MATN2: variants seen among roughly 807,000 people sequenced by gnomAD.
MATN2 encodes the protein matrilin 2, also known as matrilin-2.
A neutral mutation model predicts 103.2 loss-of-function variants in MATN2; 69 were observed. The ratio of observed to expected loss-of-function variants is 0.67; its 90% CI spans 0.55 to 0.82. The LOEUF (loss-of-function observed/expected upper bound fraction) is 0.82, where lower values mean the gene tolerates loss of function less well. MATN2 is among the 40% of genes least tolerant of loss of function. MATN2 has a pLI of 0.00. For synonymous variants in MATN2, 429 were observed against 450.2 expected, an observed-to-expected ratio of 0.95 and a Z score of 0.60; for missense variants, 1,023 against 1,211.5, an observed-to-expected ratio of 0.84 and a Z score of 2.31.
At position 97,931,427 on chromosome 8, in the gene MATN2, C is replaced by T; in HGVS notation, c.617C>T (p.Ser206Phe). The T allele has an allele frequency of 6.2e-7, 1 of 1,613,728 alleles. No homozygotes were observed. Among genetic ancestry groups the T allele is most frequent in the Non-Finnish European group, 8.5e-7 (1 of 1,179,852 alleles). Residue 206 changes from serine (S) to phenylalanine (F), a missense_variant, in exon 3 of 19, where the codon TCC becomes TTC. Physicochemically the swap from Ser to Phe is radical, Grantham distance 155 (BLOSUM62 -2). Transcript: ENST00000254898. This position sits in a 1 kb window ranked among gnomAD's most constrained non-coding sequence, Gnocchi z 4.1. ...VGQVDFNTLK[S>F]IGSEPHEDHV... is the part of the protein sequence containing the mutation. ...CAGGTAGACTTCAACACCTTGAAGT[C>T]CATTGGGAGTGAGCCCCATGAGGAC...
At chr8:97,959,614 C>CT (rs1402117616) in intron 4 of MATN2, among the ~76,000 whole-genome samples, 2 of 151,856 alleles carry the variant, frequency 1.3e-5, no homozygotes, top group African/African-American at 2.4e-5. Context: ...GTCTATAAGG[C>CT]TTTTTTTTCC....
At chr8:97,918,770 C>A (rs1309510883) in intron 2 of MATN2, among the ~76,000 whole-genome samples, 1 of 152,126 alleles carries the variant, frequency 6.6e-6, no homozygotes, top group African/African-American at 2.4e-5. Context: ...TGGCCACCTA[C>A]TGGGAGCAGT....
chr8:97,970,379 A>G (rs1460566396), intron 5 of MATN2, among the ~76,000 whole-genome samples: 1 of 151,786 alleles, frequency 6.6e-6, no homozygotes, highest in African/African-American at 2.4e-5. Context: ...CCGATGTCTC[A>G]GCCCCACCTC....
At chr8:97,929,243 G>A (rs1457985374) in intron 2 of MATN2, among the ~76,000 whole-genome samples, 1 of 152,224 alleles carries the variant, frequency 6.6e-6, no homozygotes, top group Non-Finnish European at 1.5e-5. Flanking sequence ...GCCTGGACAG[G>A]ATGACTTCAT....
intron 6 of MATN2, 34 bp downstream of exon 6, chr8:97,979,042 A>G (rs781311410): frequency 6.3e-7 from 1 of 1,581,832 alleles, no homozygotes; most frequent in Non-Finnish European, 8.6e-7. Context: ...ACAGAGAAAT[A>G]TTTGCTGTTA....
intron 2 of MATN2, among the ~76,000 whole-genome samples, chr8:97,900,514 C>T (rs1042388098): frequency 1.7e-4 from 26 of 152,208 alleles, no homozygotes; most frequent in African/African-American, 6.0e-4. Context: ...GGAGGAATTT[C>T]TTCCAGGAGG....
chr8:97,890,195 G>A (rs957295270), intron 2 of MATN2, among the ~76,000 whole-genome samples: 2 of 152,054 alleles, frequency 1.3e-5, no homozygotes, highest in African/African-American at 2.4e-5. Flanking sequence ...GGCCGGACAT[G>A]GTGGCTCACA....
intron 14 of MATN2, 112 bp downstream of exon 14, chr8:98,027,941 C>T (rs2130447296): frequency 1.9e-6 from 2 of 1,042,472 alleles, no homozygotes; most frequent in Non-Finnish European, 2.7e-6. Context: ...ACAGAAAGGC[C>T]TCCTGGCAAC....
Position 98,016,561 on chromosome 8 carries a change from G to A in MATN2, c.1595G>A (p.Gly532Glu). Residue 532 changes from glycine to glutamate, a missense_variant, in exon 11 of 19, where the codon GGG becomes GAG. Gly to Glu is a moderately conservative substitution (Grantham distance 98). Transcript: ENST00000254898. Reference protein sequence around the residue: ...TCAKLDSCALGDHGCEHSCVS... With the variant: ...TCAKLDSCALEDHGCEHSCVS... ...TCAGAATTGGACTCTTGTGCTCTGG[G>A]GGACCACGGTTGTGAACATTCGTGT... is the stretch of plus-strand genomic sequence containing the variant. 2 of 1,610,010 alleles carry A rather than the reference G, an allele frequency of 1.2e-6. No individual in the cohort carries two copies. The highest frequency in any genetic ancestry group is 1.7e-6 in the Non-Finnish European group (2 of 1,177,858).
intron 4 of MATN2, among the ~76,000 whole-genome samples, chr8:97,945,485 A>C (rs1810715427): frequency 6.6e-6 from 1 of 152,054 alleles, no homozygotes; most frequent in Non-Finnish European, 1.5e-5. Context: ...GCAGCAGGAC[A>C]ACCCTTCAAT....
chr8:98,023,730 T>TA (rs1367442083), intron 13 of MATN2, among the ~76,000 whole-genome samples: 2 of 152,142 alleles, frequency 1.3e-5, no homozygotes, highest in African/African-American at 2.4e-5. Flanking sequence ...TCACACACAC[T>TA]AAGTGCTCAA....
chr8:97,986,438 C>T (rs1812196745), intron 6 of MATN2, among the ~76,000 whole-genome samples: 1 of 152,080 alleles, frequency 6.6e-6, no homozygotes, highest in Non-Finnish European at 1.5e-5. Context: ...GTCTTTTATC[C>T]CTCACCATCC....
At chr8:97,996,199 C>T (rs1247566912) in intron 7 of MATN2, among the ~76,000 whole-genome samples, 2 of 152,160 alleles carry the variant, frequency 1.3e-5, no homozygotes, top group South Asian at 2.1e-4. Context: ...GGGCCATGGG[C>T]GGAGGACATT....
intron 2 of MATN2, among the ~76,000 whole-genome samples, chr8:97,921,673 C>T (rs1809811181): frequency 6.6e-6 from 1 of 152,198 alleles, no homozygotes; most frequent in Non-Finnish European, 1.5e-5. Flanking sequence ...GACAGAAGCA[C>T]CTGAGGAGGC....
At chr8:97,998,838 C>A (rs1013455966) in intron 7 of MATN2, among the ~76,000 whole-genome samples, 11 of 151,860 alleles carry the variant, frequency 7.2e-5, no homozygotes, top group African/African-American at 2.7e-4. Context: ...TTTAGTGTGG[C>A]AAAATATATA....
chr8:97,997,841 A>ACAGAATCT (rs1812641643), intron 7 of MATN2, among the ~76,000 whole-genome samples: 1 of 142,896 alleles, frequency 7.0e-6, no homozygotes, highest in Non-Finnish European at 1.5e-5. Context: ...TTTTTTCCAG[A>ACAGAATCT]CAGAATCTCA....
intron 2 of MATN2, among the ~76,000 whole-genome samples, chr8:97,909,204 A>T (rs1174602161): frequency 2.0e-5 from 3 of 152,192 alleles, no homozygotes; most frequent in East Asian, 1.9e-4. Flanking sequence ...AATTGCTGGG[A>T]TTATAGGTGT....
intron 16 of MATN2, among the ~76,000 whole-genome samples, chr8:98,032,733 T>C (rs966912663): frequency 6.6e-6 from 1 of 152,138 alleles, no homozygotes; most frequent in African/African-American, 2.4e-5. Context: ...GGTTTTACCA[T>C]GTTGGCCAGG....
At chr8:97,883,981 A>G (rs1818339167) in intron 1 of MATN2, among the ~76,000 whole-genome samples, 1 of 152,076 alleles carries the variant, frequency 6.6e-6, no homozygotes, top group Admixed American at 6.6e-5. Context: ...GATAAAAAGA[A>G]AGTTTTAAAT....
Sources: allele counts gnomAD v4.1 joint callset (sites outside exome capture counted in the v4.1 genomes callset), GRCh38; gene constraint gnomAD v4.1.1; non-coding constraint Gnocchi (gnomAD v3.1); transcripts MANE v1.5; gene names NCBI Gene and HGNC (gene_info 2026-07-23, HGNC 2026-07-21).